The following STEAP4 variants were observed in gnomAD, a reference collection of about 807,000 sequenced individuals.
The protein encoded by STEAP4 is metalloreductase STEAP4.
In STEAP4, 36 loss-of-function variants were observed where a neutral mutation model predicts 43.6. That is an observed-to-expected ratio of 0.83 (90% CI 0.63 to 1.09). The LOEUF is 1.09. Among genes scored for constraint, STEAP4 ranks in the 50% least tolerant of loss-of-function variants. The pLI, the probability that STEAP4 is intolerant of heterozygous loss-of-function variation, is 0.00. For synonymous variants in STEAP4, 191 were observed against 196.7 expected (o/e 0.97, Z 0.24); for missense variants, 495 against 546.5 (o/e 0.91, Z 0.94).
chr7:88,294,468 A>T (rs1192083750), intron 1 of STEAP4, among the ~76,000 whole-genome samples: 1 of 152,142 alleles, frequency 6.6e-6, no homozygotes, highest in East Asian at 1.9e-4. Flanking sequence ...CTCAACCTGT[A>T]TCTAATAAAT....
At chr7:88,286,923 T>C (rs1433394160) in intron 1 of STEAP4, among the ~76,000 whole-genome samples, 2 of 152,058 alleles carry the variant, frequency 1.3e-5, no homozygotes, top group Non-Finnish European at 2.9e-5. Flanking sequence ...AGACAACCCC[T>C]AATGGGGCTA....
intron 1 of STEAP4, chr7:88,290,877 T>G (rs1852822660): frequency 1.3e-5 from 2 of 152,144 alleles, no homozygotes; most frequent in Admixed American, 1.3e-4. Context: ...AAAACTTTCC[T>G]TTTTCAAACC....
chr7:88,295,349 G>A (rs779951016), intron 1 of STEAP4, among the ~76,000 whole-genome samples: 2 of 152,152 alleles, frequency 1.3e-5, no homozygotes, highest in Non-Finnish European at 2.9e-5. Context: ...TAAGGCTTAT[G>A]AAAATGCAAA....
In STEAP4 at chr7:88,272,920, G is replaced by T. The variant is rs1003578987; in HGVS notation, c.*6478C>A. ...ATGAGAAGAGTTAAGCCTGTAGAAG[G>T]CTAGCTATAACAGACTCTATAGAAA... On this transcript the variant is annotated 3_prime_UTR_variant, in exon 5 of 5. Transcript: ENST00000380079. 1.1e-4 allele frequency: 17 copies of T among 152,156 alleles called. No individual in the cohort carries two copies. The highest frequency in any genetic ancestry group is 7.2e-4 in the Admixed American group (11 of 15,276). The allele number at this position is 152,156 out of a possible 1,614,324, so 9.4% of individuals were successfully genotyped here.
At chr7:88,293,135 T>C (rs1419938859) in intron 1 of STEAP4, 1 of 152,254 alleles carries the variant, frequency 6.6e-6, no homozygotes, top group Non-Finnish European at 1.5e-5. Context: ...CAGGTATTTA[T>C]GAGTCATGAT....
intron 1 of STEAP4, among the ~76,000 whole-genome samples, chr7:88,290,099 C>G (rs1219065845): frequency 6.6e-6 from 1 of 152,150 alleles, no homozygotes; most frequent in East Asian, 1.9e-4. Flanking sequence ...ATGCAGTTGC[C>G]AGTATCCTGT....
intron 1 of STEAP4, among the ~76,000 whole-genome samples, chr7:88,297,819 A>G (rs1364776562): frequency 2.0e-5 from 3 of 152,148 alleles, no homozygotes; most frequent in Non-Finnish European, 4.4e-5. Context: ...ACATCCCAAT[A>G]AGCTCATAAT....
Position 88,280,975 on chromosome 7 carries a change from T to C in STEAP4, c.1089A>G (p.Gly363=). The C allele has an allele frequency of 6.2e-7, 1 of 1,612,988 alleles. No homozygotes were observed. Among genetic ancestry groups the C allele is most frequent in the Non-Finnish European group, 8.5e-7 (1 of 1,179,566 alleles). ...TGCTAACAGATGGCAAAGAAGTGAT[T>C]CCCAAGAGTACAAACAGAAAAAACC... ...ILGFFLFVLL[G]ITSLPSVSNA... is the part of the protein sequence containing the mutation. Residue 363 remains glycine, a synonymous_variant, in exon 4 of 5, where the codon GGA becomes GGG. Coordinates refer to ENST00000380079, the MANE Select transcript of STEAP4 (RefSeq NM_024636.4).
intron 1 of STEAP4, among the ~76,000 whole-genome samples, chr7:88,302,855 G>A (rs1279743649): frequency 6.6e-6 from 1 of 150,630 alleles, no homozygotes; most frequent in African/African-American, 2.4e-5. Flanking sequence ...TCAGGAGGCT[G>A]AGGCAGGAGA....
At chr7:88,304,148 A>C (rs549179559) in intron 1 of STEAP4, 24 of 152,204 alleles carry the variant, frequency 1.6e-4, no homozygotes, top group African/African-American at 5.8e-4. Flanking sequence ...GAACACGTGG[A>C]CTCAGGAAGG....
rs749073411 is a variant in STEAP4 at position 88,282,792 on chromosome 7, C to T, written c.833G>A (p.Arg278Gln). The T allele has an allele frequency of 7.1e-5, 114 of 1,613,968 alleles. No homozygotes were observed. Among genetic ancestry groups the T allele is most frequent in the Non-Finnish European group, 8.8e-5 (104 of 1,180,034 alleles). Residue 278 changes from arginine (R) to glutamine (Q), a missense_variant, in exon 3 of 5, where the codon CGA becomes CAA. Arg to Gln is a conservative substitution (Grantham distance 43). Transcript: ENST00000380079. ...CCAGTGGTCAAGCCAGTCTGGGAAT[C>T]GACGGTATTTTGTGCCTCGGTACAG... Reference protein sequence around the residue: ...LQLYRGTKYRRFPDWLDHWML... With the variant: ...LQLYRGTKYRQFPDWLDHWML...
Position 88,281,071 on chromosome 7 carries a change from G to A in STEAP4, c.993C>T (p.Leu331=). Residue 331 remains leucine (L), a synonymous_variant, in exon 4 of 5, where the codon CTC becomes CTT. Coordinates refer to ENST00000380079, the MANE Select transcript of STEAP4 (RefSeq NM_024636.4). The part of the protein sequence containing the change: ...LGNLTVTQAI[L]KKENPFSTSS... ...AGGTGCTAAATGGATTCTCCTTCTT[G>A]AGTATTGCCTAAGAAAAATTATAAG... The A allele has an allele frequency of 1.9e-6, 3 of 1,581,216 alleles. No homozygotes were observed. The highest frequency in any genetic ancestry group is 1.7e-6 in the Non-Finnish European group (2 of 1,168,802).
Position 88,284,039 on chromosome 7 carries a change from T to C in STEAP4, c.231A>G (p.Ile77Met). The change falls in exon 2 of 5, where the codon ATA becomes ATG. Residue 77 changes from isoleucine to methionine, a missense_variant. Transcript: ENST00000380079. ...YSEAAKKSGI[I>M]IIAIHREHYD... is the part of the protein sequence containing the mutation. ...AATGCTCTCTGTGGATTGCTATGATTATGATGCCAGACTTCTTGGCTGCTT... is the reference window on the plus strand; with the variant it reads ...AATGCTCTCTGTGGATTGCTATGATCATGATGCCAGACTTCTTGGCTGCTT... 1 of 1,614,152 alleles carries C rather than the reference T, an allele frequency of 6.2e-7. No individual in the cohort carries two copies. The highest frequency in any genetic ancestry group is 1.7e-5 in the Admixed American group (1 of 60,000).
chr7:88,287,548 C>G (rs1364597541), intron 1 of STEAP4, among the ~76,000 whole-genome samples: 1 of 152,084 alleles, frequency 6.6e-6, no homozygotes, highest in Non-Finnish European at 1.5e-5. Flanking sequence ...GATCAGAGTT[C>G]TTAAAGATAA....
chr7:88,281,127 A>G (rs773087414), intron 3 of STEAP4, 48 bp from the exon 4 acceptor site: 29 of 1,440,044 alleles, frequency 2.0e-5, no homozygotes, highest in East Asian at 1.3e-4. Context: ...TACAAACTAC[A>G]TTTTACAAAC....
In STEAP4 at chr7:88,274,800, A is replaced by G. The variant is rs923320745; in HGVS notation, c.*4598T>C. On this transcript the variant is annotated 3_prime_UTR_variant, in exon 5 of 5. Transcript: ENST00000380079. ...AGGGCTCCTCCTGCTTTTAGAACAT[A>G]TAGGGTAACTTCTGGATGTGGCCAT... The G allele has an allele frequency of 2.6e-5, 4 of 152,222 alleles. No homozygotes were observed. Among genetic ancestry groups the G allele is most frequent in the African/African-American group, 9.7e-5 (4 of 41,448 alleles). The allele number at this position is 152,222 out of a possible 1,614,324, so 9.4% of individuals were successfully genotyped here. A position where few individuals can be genotyped will look rare whatever the true frequency, so the allele number is the denominator to read the frequency against.
chr7:88,305,393 C>T (rs1405657595), intron 1 of STEAP4, among the ~76,000 whole-genome samples: 1 of 152,042 alleles, frequency 6.6e-6, no homozygotes, highest in Non-Finnish European at 1.5e-5. Context: ...AACTTGGGAC[C>T]TTGCAAAAGG....
At chr7:88,294,168 A>G (rs1268983732) in intron 1 of STEAP4, among the ~76,000 whole-genome samples, 1 of 152,148 alleles carries the variant, frequency 6.6e-6, no homozygotes, top group Admixed American at 6.6e-5. Context: ...TCTAAAATCC[A>G]AAACTTTCAG....
At position 88,278,319 on chromosome 7, in the gene STEAP4, C is replaced by A. The variant is rs1389448262; in HGVS notation, c.*1079G>T. ...AATGATGAATCTTCACACCTCTCTG[C>A]CCTATGATTTTCCGTAATTTTCGAT... On this transcript the variant is annotated 3_prime_UTR_variant, in exon 5 of 5. Transcript: ENST00000380079. 6.6e-6 allele frequency: 1 copy of A among 152,146 alleles called. No individual in the cohort carries two copies. The highest frequency in any genetic ancestry group is 2.4e-5 in the African/African-American group (1 of 41,436). The allele number at this position is 152,146 out of a possible 1,614,324, so 9.4% of individuals were successfully genotyped here. A position where few individuals can be genotyped will look rare whatever the true frequency, so the allele number is the denominator to read the frequency against.
Sources: gnomAD v4.1 joint callset for allele counts (sites outside exome capture counted in the v4.1 genomes callset) on GRCh38, gnomAD v4.1.1 for gene constraint, MANE v1.5 for transcripts, NCBI Gene and HGNC (gene_info 2026-07-23, HGNC 2026-07-21) for gene names.